The following PVT1 variants were observed in gnomAD, a reference collection of about 807,000 sequenced individuals.
The protein encoded by PVT1 is Pvt1 oncogene, also known as CXCR4/PVT1 fusion.
chr8:128,034,502 G>A (rs182294957), intron 4 of PVT1, among the ~76,000 whole-genome samples: 43 of 152,314 alleles, frequency 2.8e-4, no homozygotes, highest in Admixed American at 7.2e-4. Context: ...CTTGGTGTGC[G>A]TGTCAACTGA....
chr8:127,978,121 A>G (rs867525873), intron 3 of PVT1, among the ~76,000 whole-genome samples: 1 of 151,846 alleles, frequency 6.6e-6, no homozygotes, highest in Middle Eastern at 3.4e-3. Flanking sequence ...GTTACGTCTT[A>G]CAGGAAGTTC....
rs7823294 is a variant in PVT1, at chr8:127,850,029, A to G, written n.373-40560A>G. Among the ~76,000 whole-genome samples, 937 of 121,736 alleles carry G rather than the reference A, an allele frequency of 7.7e-3. 145 individuals are homozygous for G. The highest frequency in any genetic ancestry group is 0.015 in the East Asian group (57 of 3,688). 79.9% of individuals were successfully genotyped at this position (121,736 alleles called of 152,430 possible). A position where few individuals can be genotyped will look rare whatever the true frequency, so the allele number is the denominator to read the frequency against. On this transcript the variant is annotated intron_variant and non_coding_transcript_variant, in intron 2 of 10. Transcript: ENST00000651587. ...TATTTGTGCTCCTGTGTGCACGTGC[A>G]TGGGTGCACAGCCTGTACATATGTG...
At chr8:127,885,082 G>A (rs1815508323) in intron 2 of PVT1, among the ~76,000 whole-genome samples, 1 of 151,836 alleles carries the variant, frequency 6.6e-6, no homozygotes, top group African/African-American at 2.4e-5. Context: ...GTTGTAAGTG[G>A]CCCCTCTCAG....
intron 4 of PVT1, among the ~76,000 whole-genome samples, chr8:128,042,345 T>C (rs1472419677): frequency 3.3e-5 from 5 of 152,222 alleles, no homozygotes; most frequent in Non-Finnish European, 7.3e-5. Context: ...TCTCTGGATG[T>C]AGAAACCAAG....
At chr8:127,912,202 C>T (rs1457198592) in intron 3 of PVT1, among the ~76,000 whole-genome samples, 1 of 152,198 alleles carries the variant, frequency 6.6e-6, no homozygotes, top group Non-Finnish European at 1.5e-5. Context: ...AACATGTAGA[C>T]AGTTTAGGAA....
At chr8:128,013,111 G>A (rs565749114) in intron 4 of PVT1, among the ~76,000 whole-genome samples, 2 of 152,246 alleles carry the variant, frequency 1.3e-5, no homozygotes, top group East Asian at 3.9e-4. Flanking sequence ...TAGTCTATGG[G>A]GGTGCCATGT....
chr8:128,072,053 G>A (rs556383060), intron 5 of PVT1, among the ~76,000 whole-genome samples: 1 of 152,248 alleles, frequency 6.6e-6, no homozygotes, highest in Admixed American at 6.5e-5. Context: ...TACTATTGTT[G>A]CCATTTTTTA....
chr8:128,073,282 A>G, intron 5 of PVT1, among the ~76,000 whole-genome samples: 1 of 151,832 alleles, frequency 6.6e-6, no homozygotes. Context: ...TTTAACCTAA[A>G]CCTGCATAAC....
intron 4 of PVT1, among the ~76,000 whole-genome samples, chr8:128,069,354 T>C (rs940511324): frequency 2.0e-5 from 3 of 152,066 alleles, no homozygotes; most frequent in Non-Finnish European, 4.4e-5. Context: ...TAAAAGGCAA[T>C]ATATATTGAA....
At chr8:127,860,180 G>A (rs1197783743) in intron 2 of PVT1, among the ~76,000 whole-genome samples, 5 of 152,184 alleles carry the variant, frequency 3.3e-5, no homozygotes, top group African/African-American at 9.7e-5. Context: ...TCCAGGAGAC[G>A]AGGAGCAGGT....
intron 4 of PVT1, among the ~76,000 whole-genome samples, chr8:128,016,943 C>T (rs2033100): frequency 0.66 from 99,916 of 151,972 alleles, 33,357 homozygotes; most frequent in African/African-American, 0.77. Flanking sequence ...CCCAGCACTT[C>T]GGGAGGCCAA....
intron 4 of PVT1, among the ~76,000 whole-genome samples, chr8:127,997,390 G>T (rs1160970771): frequency 6.6e-6 from 1 of 152,064 alleles, no homozygotes; most frequent in East Asian, 1.9e-4. Flanking sequence ...GAAAGCAGGG[G>T]CCTGGATGGC....
intron 2 of PVT1, among the ~76,000 whole-genome samples, chr8:127,860,004 C>T (rs781162137): frequency 1.6e-4 from 24 of 152,098 alleles, no homozygotes; most frequent in Non-Finnish European, 2.8e-4. Context: ...CATCAAGCCC[C>T]GTGAACACCT....
At chr8:127,947,063 C>T (rs1816429729) in intron 3 of PVT1, 2 of 152,474 alleles carry the variant, frequency 1.3e-5, no homozygotes, top group African/African-American at 4.8e-5. Flanking sequence ...TGTTCATGTG[C>T]CTCTTGTTTA....
intron 4 of PVT1, among the ~76,000 whole-genome samples, chr8:128,000,672 C>T (rs1362392770): frequency 3.9e-5 from 6 of 152,334 alleles, no homozygotes; most frequent in Non-Finnish European, 7.3e-5. Flanking sequence ...ACAGTGTCAC[C>T]GTAGCAATAC....
At chr8:128,078,672 T>C (rs1307862508) in intron 5 of PVT1, among the ~76,000 whole-genome samples, 1 of 152,360 alleles carries the variant, frequency 6.6e-6, no homozygotes, top group East Asian at 1.9e-4. Context: ...TATATATTTT[T>C]AGAAGATAAG....
chr8:128,099,074 G>A (rs558579175), intron 6 of PVT1, among the ~76,000 whole-genome samples: 6 of 152,264 alleles, frequency 3.9e-5, no homozygotes, highest in Non-Finnish European at 8.8e-5. Flanking sequence ...TTAATACTCC[G>A]AGATGAAGTG....
chr8:128,052,482 G>T (rs1813710185), intron 4 of PVT1, among the ~76,000 whole-genome samples: 2 of 152,106 alleles, frequency 1.3e-5, no homozygotes, highest in African/African-American at 4.8e-5. Flanking sequence ...TGCTGTAATT[G>T]CTCATCTGGA....
chr8:127,925,932 T>C (rs1285175075), intron 3 of PVT1, among the ~76,000 whole-genome samples: 2 of 152,218 alleles, frequency 1.3e-5, no homozygotes, highest in Non-Finnish European at 2.9e-5. Context: ...TGAGCCACCG[T>C]GCCCAGGTGA....
Sources: allele counts gnomAD v4.1 joint callset (sites outside exome capture counted in the v4.1 genomes callset), GRCh38; gene constraint gnomAD v4.1.1; transcripts MANE v1.5; gene names NCBI Gene and HGNC (gene_info 2026-07-23, HGNC 2026-07-21).